Variants in STAMBPL1 observed in about 807,000 individuals in gnomAD.
STAMBPL1 encodes the protein AMSH-like protease.
STAMBPL1 carries 44 observed loss-of-function variants against 52.9 expected under a neutral mutation model. The ratio of observed to expected loss-of-function variants is 0.83; its 90% CI spans 0.65 to 1.07. The LOEUF (loss-of-function observed/expected upper bound fraction) is 1.07. STAMBPL1 is among the 50% of genes least tolerant of loss of function. STAMBPL1 has a pLI of 0.00. For missense variants in STAMBPL1, 511 were observed against 520.8 expected, an observed-to-expected ratio of 0.98 and a Z score of 0.18; for synonymous variants, 164 against 177.3, an observed-to-expected ratio of 0.92 and a Z score of 0.60.
chr10:88,923,248 C>A lies in STAMBPL1; in HGVS notation c.*24C>A. ...GATATGTTCTGAATGTAAGCACCGT[C>A]AACATCAGACACCTACTCATGGACA... is the stretch of plus-strand genomic sequence containing the variant. On this transcript the variant is annotated 3_prime_UTR_variant, in exon 11 of 11. Coordinates refer to ENST00000371926, the MANE Select transcript of STAMBPL1 (RefSeq NM_020799.4). 5 of 1,581,542 alleles carry A rather than the reference C, an allele frequency of 3.2e-6. No homozygotes were observed. Among genetic ancestry groups the A allele is most frequent in the Non-Finnish European group, 4.3e-6 (5 of 1,169,772 alleles).
intron 2 of STAMBPL1, among the ~76,000 whole-genome samples, chr10:88,903,752 T>C (rs1845005556): frequency 6.6e-6 from 1 of 152,236 alleles, no homozygotes; most frequent in South Asian, 2.1e-4. Flanking sequence ...TTGAAAAGAC[T>C]ATATACTGAA....
chr10:88,881,419 G>C (rs1413427744), intron 1 of STAMBPL1, among the ~76,000 whole-genome samples: 1 of 151,990 alleles, frequency 6.6e-6, no homozygotes, highest in East Asian at 1.9e-4. Flanking sequence ...AGTGGGGTGG[G>C]GTGGCTTGCT....
chr10:88,882,937 G>A (rs1386052443), intron 1 of STAMBPL1: 1 of 151,748 alleles, frequency 6.6e-6, no homozygotes, highest in East Asian at 1.9e-4. Flanking sequence ...GTATACATGT[G>A]CCATGTTGGT....
At chr10:88,888,956 G>A (rs1012715279) in intron 1 of STAMBPL1, among the ~76,000 whole-genome samples, 1 of 152,164 alleles carries the variant, frequency 6.6e-6, no homozygotes, top group African/African-American at 2.4e-5. Flanking sequence ...TTCAGTAAAT[G>A]TTGTTCCAGA....
intron 8 of STAMBPL1, among the ~76,000 whole-genome samples, chr10:88,920,308 G>A (rs1216651038): frequency 6.6e-6 from 1 of 152,190 alleles, no homozygotes; most frequent in Admixed American, 6.5e-5. Context: ...TATGCGCTAA[G>A]CACTGTTCCA....
intron 1 of STAMBPL1, chr10:88,901,124 A>G (rs2133162737): frequency 6.6e-6 from 1 of 152,368 alleles, no homozygotes; most frequent in East Asian, 1.9e-4. Flanking sequence ...ATAATATTCC[A>G]TGACCTTTGC....
rs1446934194 is a variant in STAMBPL1 at position 88,916,808 on chromosome 10, A to T, written c.1032A>T (p.Gly344=). The T allele has an allele frequency of 1.3e-6, 2 of 1,594,078 alleles. No homozygotes were observed. Among genetic ancestry groups the T allele is most frequent in the Admixed American group, 3.5e-5 (2 of 57,340 alleles). ...ATCAACATGATCTCCTCACTCTAGGATGGATCCATGTACGTTTGACCTTTT... is the reference window on the plus strand; with the variant it reads ...ATCAACATGATCTCCTCACTCTAGGTTGGATCCATGTACGTTTGACCTTTT... ...VQDQHDLLTL[G]WIHTHPTQTA... is the part of the protein sequence containing the mutation. Residue 344 remains glycine (G), a synonymous_variant, in exon 8 of 11, where the codon GGA becomes GGT. Coordinates refer to ENST00000371926, the MANE Select transcript of STAMBPL1 (RefSeq NM_020799.4).
At chr10:88,921,616 T>C (rs890325348) in intron 9 of STAMBPL1, among the ~76,000 whole-genome samples, 7 of 152,196 alleles carry the variant, frequency 4.6e-5, no homozygotes, top group African/African-American at 1.7e-4. Context: ...TAGCGTGACT[T>C]TGAAGTGAAT....
chr10:88,905,556 A>G lies in STAMBPL1; in HGVS notation c.144A>G (p.Pro48=). Residue 48 remains proline, a synonymous_variant, in exon 3 of 11, where the codon CCA becomes CCG. Transcript: ENST00000371926. The part of the protein sequence containing the change: ...CNITISEDIT[P]RRYFRSGVEM... ...TCACCATCAGTGAAGACATCACTCC[A>G]CGACGTTACTTTAGGTCTGGAGTAG... 1 of 1,614,170 alleles carries G rather than the reference A, an allele frequency of 6.2e-7. No individual in the cohort carries two copies. Among genetic ancestry groups the G allele is most frequent in the Non-Finnish European group, 8.5e-7 (1 of 1,180,018 alleles).
At chr10:88,891,660 G>A (rs1190341124) in intron 1 of STAMBPL1, among the ~76,000 whole-genome samples, 2 of 151,896 alleles carry the variant, frequency 1.3e-5, no homozygotes, top group Admixed American at 1.3e-4. Context: ...TCACTTATAA[G>A]GTATTTTTTT....
At chr10:88,894,357 T>C (rs58014217) in intron 1 of STAMBPL1, among the ~76,000 whole-genome samples, 6,380 of 150,312 alleles carry the variant, frequency 0.042, 445 homozygotes, top group African/African-American at 0.15. Context: ...TGGTACCTAT[T>C]GTTTTATACA....
rs1184181786 is a variant in STAMBPL1 at position 88,905,528 on chromosome 10, A to G, written c.116A>G (p.Asn39Ser). 6.2e-7 allele frequency: 1 copy of G among 1,614,140 alleles called. No individual in the cohort carries two copies. The highest frequency in any genetic ancestry group is 8.5e-7 in the Non-Finnish European group (1 of 1,180,002). Reference protein sequence around the residue: ...RVRALSKLGCNITISEDITPR... With the variant: ...RVRALSKLGCSITISEDITPR... The stretch of plus-strand genomic sequence containing the variant: ...CGTGCCCTAAGCAAGCTTGGTTGTA[A>G]TATCACCATCAGTGAAGACATCACT... Residue 39 changes from asparagine (N) to serine (S), a missense_variant, in exon 3 of 11, where the codon AAT becomes AGT. This residue lies in a region of STAMBPL1 where 358 missense variants were observed against 343.5 expected (regional missense o/e 1.04). Coordinates refer to ENST00000371926, the MANE Select transcript of STAMBPL1 (RefSeq NM_020799.4).
At position 88,913,119 on chromosome 10, in the gene STAMBPL1, A is replaced by G. The variant is rs765946721; in HGVS notation, c.439A>G (p.Ile147Val). The change falls in exon 6 of 11, where the codon ATT becomes GTT. Residue 147 changes from isoleucine to valine, a missense_variant. Physicochemically the swap from Ile to Val is conservative, Grantham distance 29. This residue lies in a region of STAMBPL1 where 358 missense variants were observed against 343.5 expected (regional missense o/e 1.04). Transcript: ENST00000371926. Reference sequence around the variant, plus strand: ...TTTTTAGAACAAATATAAAGCTGAAATTCTCAAAAAATTGGAGCATCAGAG... The same window carrying G: ...TTTTTAGAACAAATATAAAGCTGAAGTTCTCAAAAAATTGGAGCATCAGAG... ...LQSKNKYKAE[I>V]LKKLEHQRLI... is the part of the protein sequence containing the mutation. 1.3e-6 allele frequency: 2 copies of G among 1,597,586 alleles called. No homozygotes were observed. The highest frequency in any genetic ancestry group is 1.8e-5 in the Admixed American group (1 of 56,914).
chr10:88,884,350 C>T (rs1188776273), intron 1 of STAMBPL1, among the ~76,000 whole-genome samples: 1 of 152,118 alleles, frequency 6.6e-6, no homozygotes, highest in Admixed American at 6.6e-5. Flanking sequence ...TATTAAGGCC[C>T]TTGAAAGGTG....
rs527755585 is a variant in STAMBPL1, at chr10:88,906,905, C to A, written c.248+1245C>A. On this transcript the variant is annotated intron_variant, in intron 3 of 10. Transcript: ENST00000371926. ...CATGAGCTACTGTGCCAGACCCAAG[C>A]TGCATAATTATGCAATACATTGTTA... 4.6e-5 allele frequency among the ~76,000 whole-genome samples: 7 copies of A among 152,298 alleles called. 1 individual carries two copies. Among genetic ancestry groups the A allele is most frequent in the African/African-American group, 1.7e-4 (7 of 41,566 alleles).
chr10:88,883,029 G>A (rs1038968586), intron 1 of STAMBPL1, among the ~76,000 whole-genome samples: 1 of 103,644 alleles, frequency 9.6e-6, no homozygotes, highest in East Asian at 2.7e-4. Flanking sequence ...CCCACGACAG[G>A]CCCGAGTGTG....
intron 1 of STAMBPL1, among the ~76,000 whole-genome samples, chr10:88,892,174 T>A (rs1381734596): frequency 6.6e-6 from 1 of 152,204 alleles, no homozygotes; most frequent in Non-Finnish European, 1.5e-5. Flanking sequence ...AAAGTTCAGC[T>A]GATCAGGGCC....
chr10:88,923,410 G>A lies in STAMBPL1; in HGVS notation c.*186G>A. On this transcript the variant is annotated 3_prime_UTR_variant, in exon 11 of 11. Coordinates refer to ENST00000371926, the MANE Select transcript of STAMBPL1 (RefSeq NM_020799.4). The stretch of plus-strand genomic sequence containing the variant: ...CTTTTTGGGTTGCTCTGTGTCAAGA[G>A]AGGTTACATGGTGTTAAATCGGTAC... The A allele has an allele frequency of 7.4e-7, 1 of 1,349,012 alleles. No individual in the cohort carries two copies. The highest frequency in any genetic ancestry group is 2.0e-5 in the South Asian group (1 of 50,450). The allele number at this position is 1,349,012 out of a possible 1,614,324, so 83.6% of individuals were successfully genotyped here. A position where few individuals can be genotyped will look rare whatever the true frequency, so the allele number is the denominator to read the frequency against.
At chr10:88,902,466 A>G (rs915202595) in intron 2 of STAMBPL1, among the ~76,000 whole-genome samples, 12 of 152,220 alleles carry the variant, frequency 7.9e-5, no homozygotes, top group African/African-American at 2.4e-4. Context: ...GAGTAGCCCC[A>G]TGAGCTGCAG....
Sources: allele counts gnomAD v4.1 joint callset (sites outside exome capture counted in the v4.1 genomes callset), GRCh38; gene constraint gnomAD v4.1.1; regional missense constraint gnomAD v4.1.1; transcripts MANE v1.5; gene names NCBI Gene and HGNC (gene_info 2026-07-23, HGNC 2026-07-21).